LRMDA: variants seen among roughly 807,000 people sequenced by gnomAD.
LRMDA encodes leucine-rich melanocyte differentiation-associated protein.
Under a neutral mutation model 29.8 loss-of-function variants are expected in LRMDA, and 18 were observed. That is an observed-to-expected ratio of 0.60 (90% CI 0.42 to 0.90). The LOEUF is 0.90. Ranked by LOEUF, LRMDA falls within the 40% of genes least tolerant of loss-of-function variation. The pLI is 0.00. For missense variants in LRMDA, 273 were observed against 273.9 expected (o/e 1.00, Z 0.02); for synonymous variants, 125 against 109.4 (o/e 1.14, Z -0.89).
At chr10:76,513,828 T>A (rs1204135836) in intron 6 of LRMDA, among the ~76,000 whole-genome samples, 1 of 152,188 alleles carries the variant, frequency 6.6e-6, no homozygotes, top group Admixed American at 6.5e-5. Flanking sequence ...AGGTCAGGTA[T>A]GTGTGAATGA....
chr10:75,624,867 A>AG (rs1170264823), intron 2 of LRMDA, among the ~76,000 whole-genome samples: 5 of 152,334 alleles, frequency 3.3e-5, no homozygotes, highest in African/African-American at 1.2e-4. Context: ...TTCTAGTCAG[A>AG]GGATCATATT....
At chr10:75,674,693 C>T (rs1423624411) in intron 2 of LRMDA, among the ~76,000 whole-genome samples, 2 of 152,128 alleles carry the variant, frequency 1.3e-5, no homozygotes, top group Non-Finnish European at 2.9e-5. Context: ...GATAAGCGAG[C>T]AGGGAGTTTT....
intron 6 of LRMDA, among the ~76,000 whole-genome samples, chr10:76,464,604 A>C (rs1024687196): frequency 6.6e-6 from 1 of 152,198 alleles, no homozygotes; most frequent in Non-Finnish European, 1.5e-5. Context: ...TCTGTTGGCC[A>C]CCTTGTTGTT....
At chr10:75,440,301 C>T (rs1032934794) in intron 2 of LRMDA, among the ~76,000 whole-genome samples, 1 of 149,900 alleles carries the variant, frequency 6.7e-6, no homozygotes, top group African/African-American at 2.5e-5. Flanking sequence ...TTTGTATTTT[C>T]CTTTGTTGAG....
intron 2 of LRMDA, among the ~76,000 whole-genome samples, chr10:75,840,726 A>C (rs117961237): frequency 0.027 from 4,109 of 152,358 alleles, 76 homozygotes; most frequent in Non-Finnish European, 0.042. Context: ...AACTATGAAG[A>C]ATAACTTATA....
intron 2 of LRMDA, among the ~76,000 whole-genome samples, chr10:75,854,215 C>T (rs1355117262): frequency 2.0e-5 from 3 of 152,068 alleles, no homozygotes; most frequent in Non-Finnish European, 2.9e-5. Context: ...GGCAAAGTCT[C>T]GACCATCTAT....
At position 76,036,025 on chromosome 10, in the gene LRMDA, G is replaced by GC. The variant is rs587776953; in HGVS notation, c.150dup (p.Ala51ArgfsTer39). The GC allele has an allele frequency of 2.7e-4, 438 of 1,614,006 alleles. No homozygotes were observed. The highest frequency in any genetic ancestry group is 3.6e-4 in the Non-Finnish European group (420 of 1,180,024). On this transcript the variant is annotated frameshift_variant, in exon 3 of 7. Transcript: ENST00000611255. LOFTEE classifies it high-confidence loss of function. The stretch of plus-strand genomic sequence containing the variant: ...CATTGCAGGTCACTGGAAGGACTGA[G>GC]CGCATTCAGGAGCCTGGAGGAACTC...
chr10:75,726,763 T>C (rs1842636089), intron 2 of LRMDA, among the ~76,000 whole-genome samples: 2 of 152,206 alleles, frequency 1.3e-5, no homozygotes, highest in Non-Finnish European at 2.9e-5. Context: ...AAGCCGGCCA[T>C]GGCTAGGAAG....
intron 6 of LRMDA, among the ~76,000 whole-genome samples, chr10:76,520,260 TCA>T (rs1843105064): frequency 6.7e-6 from 1 of 149,898 alleles, no homozygotes; most frequent in Admixed American, 6.6e-5. Flanking sequence ...CACTAATCTT[TCA>T]GTTTTTTTTT....
intron 2 of LRMDA, among the ~76,000 whole-genome samples, chr10:75,513,505 A>G (rs1845251970): frequency 6.6e-6 from 1 of 152,154 alleles, no homozygotes. Context: ...GTAACAAAGT[A>G]CCACAAACTC....
chr10:75,457,499 C>G (rs534455904), intron 2 of LRMDA, among the ~76,000 whole-genome samples: 1 of 151,344 alleles, frequency 6.6e-6, no homozygotes, highest in Non-Finnish European at 1.5e-5. Context: ...ACAGGAGTTG[C>G]GGGGGAGACA....
chr10:75,733,434 G>A (rs530118829), intron 2 of LRMDA, among the ~76,000 whole-genome samples: 21 of 152,336 alleles, frequency 1.4e-4, no homozygotes, highest in Non-Finnish European at 1.5e-5. Flanking sequence ...TTATCTGTCT[G>A]CAAAAGGTAA....
intron 5 of LRMDA, among the ~76,000 whole-genome samples, chr10:76,063,151 A>C (rs1848729932): frequency 6.6e-6 from 1 of 152,246 alleles, no homozygotes; most frequent in African/African-American, 2.4e-5. Flanking sequence ...TTTAATCTTC[A>C]GAATCTTAAA....
intron 2 of LRMDA, among the ~76,000 whole-genome samples, chr10:75,519,080 A>G (rs1845327292): frequency 6.6e-6 from 1 of 152,058 alleles, no homozygotes; most frequent in Non-Finnish European, 1.5e-5. Flanking sequence ...GTTTGTTGTG[A>G]TTTCTGTTCT....
chr10:75,961,468 T>TAG (rs1387524139), intron 2 of LRMDA, among the ~76,000 whole-genome samples: 1 of 152,234 alleles, frequency 6.6e-6, no homozygotes, highest in African/African-American at 2.4e-5. Context: ...AATACCAGGT[T>TAG]AGAGTATGAA....
At chr10:75,882,796 C>A (rs1428309574) in intron 2 of LRMDA, 1 of 152,318 alleles carries the variant, frequency 6.6e-6, no homozygotes, top group Non-Finnish European at 1.5e-5. Context: ...AAGCCAATTC[C>A]TCTCCCCCTT....
intron 2 of LRMDA, among the ~76,000 whole-genome samples, chr10:75,656,798 A>C (rs1437733875): frequency 6.6e-6 from 1 of 152,258 alleles, no homozygotes; most frequent in Non-Finnish European, 1.5e-5. Flanking sequence ...ACCATCCGGA[A>C]TAATGTATTG....
intron 2 of LRMDA, among the ~76,000 whole-genome samples, chr10:75,756,661 T>C (rs371881212): frequency 5.3e-5 from 8 of 152,328 alleles, no homozygotes; most frequent in East Asian, 1.9e-4. Context: ...GTGCTTTCCA[T>C]GTGTCCATTT....
chr10:76,044,439 G>GTTTTTTTT (rs3042545), intron 3 of LRMDA, among the ~76,000 whole-genome samples: 2 of 137,016 alleles, frequency 1.5e-5, no homozygotes, highest in Non-Finnish European at 3.2e-5. Flanking sequence ...TTTTTTCTTT[G>GTTTTTTTT]TTTTTTTTTT....
Sources: allele counts gnomAD v4.1 joint callset (sites outside exome capture counted in the v4.1 genomes callset), GRCh38; gene constraint gnomAD v4.1.1; transcripts MANE v1.5; gene names NCBI Gene and HGNC (gene_info 2026-07-23, HGNC 2026-07-21).